Variants in BMPER observed in about 807,000 individuals in gnomAD.
BMPER encodes BMP binding endothelial regulator.
In BMPER, 45 loss-of-function variants were observed where a neutral mutation model predicts 87.3. The observed-to-expected ratio is 0.52, with a 90% CI of 0.41 to 0.66. The LOEUF is 0.66. Ranked by LOEUF, BMPER falls within the 30% of genes least tolerant of loss-of-function variation. The pLI is 0.00. For missense variants in BMPER, 784 were observed against 867.5 expected, an observed-to-expected ratio of 0.90 and a Z score of 1.21; for synonymous variants, 326 against 316.2, an observed-to-expected ratio of 1.03 and a Z score of -0.33.
At chr7:33,987,956 G>C (rs1786057992) in intron 6 of BMPER, among the ~76,000 whole-genome samples, 1 of 152,146 alleles carries the variant, frequency 6.6e-6, no homozygotes, top group South Asian at 2.1e-4. Flanking sequence ...GTGTAATGTA[G>C]TCAAGCGTTA....
At chr7:33,950,352 T>A (rs552321983) in intron 3 of BMPER, among the ~76,000 whole-genome samples, 1 of 152,284 alleles carries the variant, frequency 6.6e-6, no homozygotes, top group South Asian at 2.1e-4. Context: ...ATGGCCAGCG[T>A]ACTAGTTTTC....
In BMPER at chr7:34,085,921, C is replaced by T; in HGVS notation, c.1574C>T (p.Ser525Phe). ...TTTGATGTGGATGACTTTGCTGAAT[C>T]TTGGAGGGTGGAGTCCAATGAGTTC... ...FKFDVDDFAE[S>F]WRVESNEFCN... is the part of the protein sequence containing the mutation. Residue 525 changes from serine to phenylalanine, a missense_variant, in exon 13 of 15, where the codon TCT becomes TTT. Physicochemically the swap from Ser to Phe is radical, Grantham distance 155. Transcript: ENST00000649409. 1.2e-6 allele frequency: 2 copies of T among 1,614,142 alleles called. No homozygotes were observed. Among genetic ancestry groups the T allele is most frequent in the Non-Finnish European group, 1.7e-6 (2 of 1,180,032 alleles).
At chr7:34,092,145 C>T (rs1260343305) in intron 13 of BMPER, among the ~76,000 whole-genome samples, 2 of 152,176 alleles carry the variant, frequency 1.3e-5, no homozygotes, top group African/African-American at 4.8e-5. Context: ...AAAGTGTGCA[C>T]ACTTCTCTGT....
intron 6 of BMPER, among the ~76,000 whole-genome samples, chr7:34,015,511 A>G (rs1190932847): frequency 6.6e-6 from 1 of 151,986 alleles, no homozygotes; most frequent in Admixed American, 6.6e-5. Flanking sequence ...TGGCATATAC[A>G]CATGGACACA....
chr7:34,106,590 G>C (rs1239388859), intron 13 of BMPER, among the ~76,000 whole-genome samples: 1 of 152,186 alleles, frequency 6.6e-6, no homozygotes, highest in African/African-American at 2.4e-5. Context: ...CTCCTAAGCT[G>C]TCCGCTTTGC....
intron 13 of BMPER, among the ~76,000 whole-genome samples, chr7:34,087,126 GA>G (rs567165500): frequency 7.5e-4 from 114 of 152,252 alleles, no homozygotes; most frequent in Admixed American, 2.6e-3. Context: ...AAGTGGGGTG[GA>G]AAAAAGACTG....
intron 6 of BMPER, among the ~76,000 whole-genome samples, chr7:34,014,900 G>A (rs138512353): frequency 1.4e-4 from 21 of 151,750 alleles, no homozygotes; most frequent in African/African-American, 2.4e-4. Flanking sequence ...TGTTTCCCTC[G>A]TTTTAAAAGG....
intron 8 of BMPER, among the ~76,000 whole-genome samples, chr7:34,054,153 T>A (rs1005033697): frequency 3.3e-5 from 5 of 152,182 alleles, no homozygotes; most frequent in African/African-American, 1.2e-4. Flanking sequence ...ACCTCCCTTC[T>A]TACATTGCGA....
chr7:34,070,816 C>CTTTTTTTTTTTTT (rs60588204), intron 11 of BMPER, among the ~76,000 whole-genome samples: 1 of 119,498 alleles, frequency 8.4e-6, no homozygotes, highest in Non-Finnish European at 1.7e-5. Context: ...AGCGGCAGAG[C>CTTTTTTTTTTTTT]TTTTTTTTTT....
At chr7:33,974,888 CT>C in intron 6 of BMPER, 104 bp downstream of exon 6, 1 of 1,188,816 alleles carries the variant, frequency 8.4e-7, no homozygotes, top group Admixed American at 1.7e-5. Flanking sequence ...CGTCTCCTCT[CT>C]GGGTAAAAGT....
chr7:33,928,639 CAAAAAAAAAAA>C (rs35451161), intron 2 of BMPER, among the ~76,000 whole-genome samples: 1 of 49,090 alleles, frequency 2.0e-5, no homozygotes, highest in Non-Finnish European at 3.5e-5. Context: ...TTGAAAAAGC[CAAAAAAAAAAA>C]AAAAAAAAAA....
chr7:34,113,439 T>A (rs1790032614), intron 13 of BMPER, among the ~76,000 whole-genome samples: 1 of 151,354 alleles, frequency 6.6e-6, no homozygotes, highest in South Asian at 2.1e-4. Context: ...AAAATACACA[T>A]AAATTTTCTT....
chr7:34,043,504 G>A (rs189522419), intron 6 of BMPER, among the ~76,000 whole-genome samples: 121 of 152,280 alleles, frequency 7.9e-4, no homozygotes, highest in Middle Eastern at 3.4e-3. Context: ...GCATAGCACT[G>A]TCAAAAGAAA....
At chr7:34,029,799 C>T (rs916079979) in intron 6 of BMPER, among the ~76,000 whole-genome samples, 1 of 152,024 alleles carries the variant, frequency 6.6e-6, no homozygotes, top group African/African-American at 2.4e-5. Flanking sequence ...TACAAATACC[C>T]CTTTTAAAGG....
intron 3 of BMPER, among the ~76,000 whole-genome samples, chr7:33,951,294 C>T (rs1457980504): frequency 3.9e-5 from 6 of 152,044 alleles, no homozygotes; most frequent in South Asian, 2.1e-4. Context: ...GTGATCCACC[C>T]GCCTTGGCCT....
intron 6 of BMPER, among the ~76,000 whole-genome samples, chr7:34,023,246 A>G (rs1373885933): frequency 6.6e-6 from 1 of 152,076 alleles, no homozygotes; most frequent in Non-Finnish European, 1.5e-5. Context: ...GCTAGTCGTC[A>G]TACATCTTGG....
At chr7:33,940,026 GT>G (rs149536464) in intron 3 of BMPER, 472 of 239,338 alleles carry the variant, frequency 2.0e-3, no homozygotes, top group South Asian at 5.3e-3. Context: ...ATTTTGGTGA[GT>G]TTTTTTTTTA....
chr7:34,098,189 A>G (rs1265828979), intron 13 of BMPER, among the ~76,000 whole-genome samples: 2 of 152,140 alleles, frequency 1.3e-5, no homozygotes, highest in Non-Finnish European at 2.9e-5. Flanking sequence ...GGTAACTTTT[A>G]GATGAATTAT....
At chr7:34,083,878 C>G (rs1789122286) in intron 12 of BMPER, among the ~76,000 whole-genome samples, 1 of 151,914 alleles carries the variant, frequency 6.6e-6, no homozygotes, top group Non-Finnish European at 1.5e-5. Flanking sequence ...ATTTGCTCAT[C>G]AGCTTAATCT....
Sources: allele counts gnomAD v4.1 joint callset (sites outside exome capture counted in the v4.1 genomes callset), GRCh38; gene constraint gnomAD v4.1.1; transcripts MANE v1.5; gene names NCBI Gene and HGNC (gene_info 2026-07-23, HGNC 2026-07-21).